The following PTPRD variants were observed in gnomAD, a reference collection of about 807,000 sequenced individuals.
The protein encoded by PTPRD is protein tyrosine phosphatase receptor type D.
Under a neutral mutation model 214.5 loss-of-function variants are expected in PTPRD, and 34 were observed. The ratio of observed to expected loss-of-function variants is 0.16; its 90% CI spans 0.12 to 0.21. PTPRD has a LOEUF of 0.21. Among genes scored for constraint, PTPRD ranks in the 10% least tolerant of loss-of-function variants. The probability of loss-of-function intolerance (pLI) is 1.00; values close to 1 mark genes in which losing one functional copy is unlikely to be tolerated. For synonymous variants in PTPRD, 1,128 were observed against 845.7 expected, an observed-to-expected ratio of 1.33 and a Z score of -5.79; for missense variants, 2,545 against 2,398.7, an observed-to-expected ratio of 1.06 and a Z score of -1.27.
At chr9:10,373,294 G>A (rs1298301068) in intron 2 of PTPRD, among the ~76,000 whole-genome samples, 2 of 151,970 alleles carry the variant, frequency 1.3e-5, no homozygotes, top group Non-Finnish European at 2.9e-5. Context: ...AAATTTCATT[G>A]CATGAATTGA....
chr9:10,162,511 G>C (rs1224398075), intron 3 of PTPRD, among the ~76,000 whole-genome samples: 1 of 150,760 alleles, frequency 6.6e-6, no homozygotes, highest in Non-Finnish European at 1.5e-5. Flanking sequence ...TATGAAGACA[G>C]ACAGTAAATT....
intron 9 of PTPRD, among the ~76,000 whole-genome samples, chr9:9,376,161 T>C (rs917417230): frequency 2.0e-5 from 3 of 152,142 alleles, no homozygotes; most frequent in African/African-American, 7.2e-5. Flanking sequence ...AACCATTGAA[T>C]AATTTGTGTT....
At chr9:9,824,878 T>C (rs1019739853) in intron 5 of PTPRD, among the ~76,000 whole-genome samples, 2 of 151,906 alleles carry the variant, frequency 1.3e-5, no homozygotes, top group Admixed American at 6.6e-5. Flanking sequence ...GGCACAAAAA[T>C]GAAAGGCCCA....
intron 8 of PTPRD, among the ~76,000 whole-genome samples, chr9:9,497,379 G>T (rs990271753): frequency 1.3e-5 from 2 of 152,186 alleles, no homozygotes; most frequent in African/African-American, 2.4e-5. Context: ...TTGGTGCATA[G>T]AAGAGTCCAT....
intron 5 of PTPRD, among the ~76,000 whole-genome samples, chr9:9,919,079 G>T (rs2081800670): frequency 6.6e-6 from 1 of 151,966 alleles, no homozygotes; most frequent in African/African-American, 2.4e-5. Flanking sequence ...ACTAAAAATA[G>T]CTTTAAAAAA....
At chr9:9,312,694 G>C (rs2135540806) in intron 9 of PTPRD, among the ~76,000 whole-genome samples, 1 of 152,228 alleles carries the variant, frequency 6.6e-6, no homozygotes, top group Middle Eastern at 3.4e-3. Context: ...GCCAAGATAG[G>C]CTCTGGCCAA....
intron 43 of PTPRD, among the ~76,000 whole-genome samples, chr9:8,332,593 T>TAAAACTGCTCTGACTCA (rs1168687110): frequency 3.9e-5 from 6 of 152,112 alleles, no homozygotes; most frequent in Non-Finnish European, 8.8e-5. Flanking sequence ...AGTGATTAGG[T>TAAAACTGCTCTGACTCA]AAAACTGCTC....
chr9:10,240,801 G>C (rs1033230108), intron 3 of PTPRD, among the ~76,000 whole-genome samples: 14 of 151,676 alleles, frequency 9.2e-5, no homozygotes, highest in Admixed American at 8.6e-4. Flanking sequence ...TTTGTTAATG[G>C]TCTCTTAGAC....
At chr9:8,761,927 C>G (rs1164112790) in intron 11 of PTPRD, among the ~76,000 whole-genome samples, 1 of 152,070 alleles carries the variant, frequency 6.6e-6, no homozygotes, top group Admixed American at 6.6e-5. Context: ...GAGCTATAAA[C>G]CAAGGTCCCT....
chr9:8,449,605 A>T (rs919116801), intron 34 of PTPRD, 120 bp downstream of exon 34: 1 of 925,680 alleles, frequency 1.1e-6, no homozygotes. Flanking sequence ...ATAGTAAAAT[A>T]AAAGAGCAGG....
At chr9:9,920,425 T>A (rs886433371) in intron 5 of PTPRD, among the ~76,000 whole-genome samples, 2 of 152,146 alleles carry the variant, frequency 1.3e-5, no homozygotes, top group African/African-American at 4.8e-5. Context: ...CTCACTGATG[T>A]TGAAAAACAT....
In PTPRD at chr9:10,374,375, C is replaced by G. The variant is rs541479471; in HGVS notation, c.-599-33358G>C. Among the ~76,000 whole-genome samples the G allele has an allele frequency of 2.0e-5, 3 of 152,096 alleles. No homozygotes were observed. The East Asian group carries it at 5.8e-4, about 30-fold the overall frequency. The stretch of plus-strand genomic sequence containing the variant: ...ATGTGCATATAAATATTTGGCTGCT[C>G]TTGATAAACAACATAACTAGTCCAG... On this transcript the variant is annotated intron_variant, in intron 2 of 45. Coordinates refer to ENST00000381196, the MANE Select transcript of PTPRD (RefSeq NM_002839.4).
At chr9:9,256,683 T>C (rs892948115) in intron 9 of PTPRD, among the ~76,000 whole-genome samples, 1 of 152,114 alleles carries the variant, frequency 6.6e-6, no homozygotes. Flanking sequence ...CTTTCTATTA[T>C]AAGAGATAAA....
intron 3 of PTPRD, among the ~76,000 whole-genome samples, chr9:10,222,933 G>T (rs769238523): frequency 3.3e-5 from 5 of 152,030 alleles, no homozygotes; most frequent in Non-Finnish European, 7.4e-5. Flanking sequence ...GTTTGGTGGA[G>T]GGCAGTGGTA....
At chr9:10,170,980 GCAATCATTACTTCTGCAGTC>G (rs1349753465) in intron 3 of PTPRD, among the ~76,000 whole-genome samples, 1 of 152,130 alleles carries the variant, frequency 6.6e-6, no homozygotes, top group East Asian at 1.9e-4. Flanking sequence ...TCACTAAGAT[GCAATCATTACTTCTGCAGTC>G]TAGCACCATT....
At chr9:10,037,580 G>GAAAA (rs376794277) in intron 3 of PTPRD, among the ~76,000 whole-genome samples, 1 of 83,106 alleles carries the variant, frequency 1.2e-5, no homozygotes. Flanking sequence ...TATAGCAGTG[G>GAAAA]AAAAAAAAAA....
rs573930067 is a variant in PTPRD at position 9,012,862 on chromosome 9, T to C, written c.-104+5835A>G. Among the ~76,000 whole-genome samples the C allele has an allele frequency of 1.1e-4, 17 of 152,270 alleles. No individual in the cohort carries two copies. In the South Asian group the frequency reaches 3.1e-3, roughly 28 times the overall value. On this transcript the variant is annotated intron_variant, in intron 11 of 45. Transcript: ENST00000381196. ...CTCAGCAATGCTAAAAGAAAATCTG[T>C]GACTTGCCTTTGTATTCACTATCTA...
At chr9:10,581,925 A>G (rs2071997884) in intron 2 of PTPRD, among the ~76,000 whole-genome samples, 2 of 152,230 alleles carry the variant, frequency 1.3e-5, no homozygotes, top group South Asian at 4.1e-4. Flanking sequence ...AGAATTTTCA[A>G]TCATTATCAC....
At chr9:8,843,579 T>C (rs2097614442) in intron 11 of PTPRD, among the ~76,000 whole-genome samples, 1 of 152,162 alleles carries the variant, frequency 6.6e-6, no homozygotes, top group South Asian at 2.1e-4. Flanking sequence ...GTAGCTAGCA[T>C]GAATGTGGTT....
Sources: gnomAD v4.1 joint callset for allele counts (sites outside exome capture counted in the v4.1 genomes callset) on GRCh38, gnomAD v4.1.1 for gene constraint, MANE v1.5 for transcripts, NCBI Gene and HGNC (gene_info 2026-07-23, HGNC 2026-07-21) for gene names.